The following WWC2 variants were observed in gnomAD, a reference collection of about 807,000 sequenced individuals.
The protein encoded by WWC2 is protein WWC2.
Under a neutral mutation model 138.5 loss-of-function variants are expected in WWC2, and 101 were observed. The observed-to-expected ratio is 0.73, with a 90% CI of 0.62 to 0.86. WWC2 has a LOEUF of 0.86. Ranked by LOEUF, WWC2 falls within the 40% of genes least tolerant of loss-of-function variation. The pLI, the probability that WWC2 is intolerant of heterozygous loss-of-function variation, is 0.00. For synonymous variants in WWC2, 558 were observed against 538.4 expected, an observed-to-expected ratio of 1.04 and a Z score of -0.50; for missense variants, 1,420 against 1,419.4, an observed-to-expected ratio of 1.00 and a Z score of -0.01.
intron 1 of WWC2, among the ~76,000 whole-genome samples, chr4:183,114,200 C>T (rs542602154): frequency 6.6e-6 from 1 of 152,276 alleles, no homozygotes; most frequent in African/African-American, 2.4e-5. Flanking sequence ...CATCCTCTCT[C>T]TTGTTCCTGC....
At chr4:183,148,291 C>G (rs893360290) in intron 1 of WWC2, among the ~76,000 whole-genome samples, 1 of 152,158 alleles carries the variant, frequency 6.6e-6, no homozygotes, top group Non-Finnish European at 1.5e-5. Flanking sequence ...TATATCATTG[C>G]TGATGAATAG....
intron 20 of WWC2, among the ~76,000 whole-genome samples, chr4:183,286,750 T>C (rs1738266664): frequency 6.6e-6 from 1 of 152,116 alleles, no homozygotes; most frequent in Non-Finnish European, 1.5e-5. Flanking sequence ...TGTGCTGAGC[T>C]CTGTTGACGG....
intron 21 of WWC2, among the ~76,000 whole-genome samples, chr4:183,302,542 A>T (rs936315270): frequency 1.3e-5 from 2 of 150,534 alleles, no homozygotes; most frequent in Non-Finnish European, 1.5e-5. Context: ...TCTGTCAGGT[A>T]CAGTAAGAGG....
In WWC2 at chr4:183,320,271, G is replaced by GA; in HGVS notation, c.*4546dup. 1 of 1,483,020 alleles carries GA rather than the reference G, an allele frequency of 6.7e-7. No homozygotes were observed. The highest frequency in any genetic ancestry group is 1.3e-5 in the South Asian group (1 of 78,584). The allele number at this position is 1,483,020 out of a possible 1,614,324, so 91.9% of individuals were successfully genotyped here. On this transcript the variant is annotated 3_prime_UTR_variant, in exon 23 of 23. Coordinates refer to ENST00000403733, the MANE Select transcript of WWC2 (RefSeq NM_024949.6). ...CTAACTCCTGCCCTTCGGTTGCTGT[G>GA]AAAAGAAGTGTGACACTTGTGTTAT...
In WWC2 at chr4:183,284,224, A is replaced by T. The variant is rs1471940222; in HGVS notation, c.2884-2A>T. On this transcript the variant is annotated splice_acceptor_variant, in intron 18 of 22. Coordinates refer to ENST00000403733, the MANE Select transcript of WWC2 (RefSeq NM_024949.6). LOFTEE classifies it high-confidence loss of function. ...CTGACAAATTGTTAACTTCTCTTATAGGTTGACAAAGAGACAAACACTGAT... is the reference window on the plus strand; with the variant it reads ...CTGACAAATTGTTAACTTCTCTTATTGGTTGACAAAGAGACAAACACTGAT... 1 of 1,613,120 alleles carries T rather than the reference A, an allele frequency of 6.2e-7. No homozygotes were observed. Among genetic ancestry groups the T allele is most frequent in the Admixed American group, 1.7e-5 (1 of 60,006 alleles).
At chr4:183,129,420 G>A (rs556798851) in intron 1 of WWC2, among the ~76,000 whole-genome samples, 2 of 152,162 alleles carry the variant, frequency 1.3e-5, no homozygotes, top group African/African-American at 2.4e-5. Context: ...ATGGAAACAT[G>A]GTTACCTACT....
At chr4:183,295,639 A>G (rs1738605630) in intron 21 of WWC2, among the ~76,000 whole-genome samples, 1 of 152,202 alleles carries the variant, frequency 6.6e-6, no homozygotes, top group East Asian at 1.9e-4. Flanking sequence ...ACAGTTTTGA[A>G]ATCAACCCTC....
chr4:183,215,746 GTGT>G (rs1237417810), intron 4 of WWC2, among the ~76,000 whole-genome samples: 2 of 152,200 alleles, frequency 1.3e-5, no homozygotes, highest in Non-Finnish European at 2.9e-5. Context: ...CACTGGCACT[GTGT>G]TGTTGAGGAG....
chr4:183,139,732 T>C (rs1400043148), intron 1 of WWC2, among the ~76,000 whole-genome samples: 1 of 152,226 alleles, frequency 6.6e-6, no homozygotes, highest in Non-Finnish European at 1.5e-5. Context: ...CACACACATA[T>C]GCATTCACCC....
chr4:183,224,686 G>A (rs1018024890), intron 4 of WWC2, among the ~76,000 whole-genome samples: 14 of 152,000 alleles, frequency 9.2e-5, no homozygotes, highest in African/African-American at 2.9e-4. Flanking sequence ...TTAGCCTCCC[G>A]AGTAGCTGAG....
chr4:183,232,305 C>T (rs1736269319), intron 4 of WWC2, among the ~76,000 whole-genome samples: 1 of 152,088 alleles, frequency 6.6e-6, no homozygotes, highest in Admixed American at 6.5e-5. Context: ...TTAAAATGTA[C>T]ATTTTAATGG....
chr4:183,280,716 GT>G (rs1288905480), intron 16 of WWC2, 59 bp from the exon 17 acceptor site: 2 of 1,528,378 alleles, frequency 1.3e-6, no homozygotes, highest in Non-Finnish European at 1.8e-6. Flanking sequence ...CATCTGCTGA[GT>G]TTTTAAGTCA....
intron 1 of WWC2, among the ~76,000 whole-genome samples, chr4:183,164,306 ATATAT>A (rs1561443711): frequency 0.02 from 17 of 852 alleles, no homozygotes; most frequent in African/African-American, 0.025. Context: ...ATATACATAT[ATATAT>A]TATATATACA....
intron 2 of WWC2, among the ~76,000 whole-genome samples, chr4:183,196,585 A>G (rs371537220): frequency 1.4e-4 from 21 of 152,252 alleles, no homozygotes; most frequent in African/African-American, 4.1e-4. Flanking sequence ...CATGTGTTCT[A>G]TTCCTTGCTA....
chr4:183,157,601 A>G (rs113048878), intron 1 of WWC2, among the ~76,000 whole-genome samples: 1 of 152,150 alleles, frequency 6.6e-6, no homozygotes, highest in African/African-American at 2.4e-5. Context: ...CCTGGGTTCA[A>G]GCGATTCTCT....
At chr4:183,132,599 G>A (rs912990484) in intron 1 of WWC2, among the ~76,000 whole-genome samples, 73 of 151,808 alleles carry the variant, frequency 4.8e-4, no homozygotes, top group African/African-American at 1.7e-3. Flanking sequence ...GACTACAGGC[G>A]CCCGCTACCA....
intron 21 of WWC2, among the ~76,000 whole-genome samples, chr4:183,307,392 T>C (rs1045874576): frequency 1.3e-5 from 2 of 152,196 alleles, no homozygotes; most frequent in South Asian, 2.1e-4. Context: ...CTTTATCAAC[T>C]CTCTGCAATC....
At chr4:183,219,489 A>T (rs965215765) in intron 4 of WWC2, among the ~76,000 whole-genome samples, 3 of 152,190 alleles carry the variant, frequency 2.0e-5, no homozygotes, top group Admixed American at 6.5e-5. Context: ...AATGTTAGAG[A>T]TGATACATAT....
intron 4 of WWC2, among the ~76,000 whole-genome samples, chr4:183,234,791 G>A (rs760985983): frequency 4.6e-5 from 7 of 152,132 alleles, no homozygotes; most frequent in Non-Finnish European, 7.4e-5. Context: ...TATGAACTTA[G>A]CTCTCATTAT....
Sources: allele counts gnomAD v4.1 joint callset (sites outside exome capture counted in the v4.1 genomes callset), GRCh38; gene constraint gnomAD v4.1.1; transcripts MANE v1.5; gene names NCBI Gene and HGNC (gene_info 2026-07-23, HGNC 2026-07-21).